LRP12: variants seen among roughly 807,000 people sequenced by gnomAD.
The protein encoded by LRP12 is low-density lipoprotein receptor-related protein 12.
In LRP12, 14 loss-of-function variants were observed where a neutral mutation model predicts 66.0. That is an observed-to-expected ratio of 0.21 (90% CI 0.14 to 0.33). The LOEUF (loss-of-function observed/expected upper bound fraction) is 0.33, where lower values mean the gene tolerates loss of function less well. Ranked by LOEUF, LRP12 falls within the 10% of genes least tolerant of loss-of-function variation. The pLI, the probability that LRP12 is intolerant of heterozygous loss-of-function variation, is 1.00. For synonymous variants in LRP12, 357 were observed against 359.1 expected (o/e 0.99, Z 0.07); for missense variants, 889 against 1,053.4 (o/e 0.84, Z 2.16).
At chr8:104,578,572 G>A (rs1812200774) in intron 1 of LRP12, among the ~76,000 whole-genome samples, 1 of 151,968 alleles carries the variant, frequency 6.6e-6, no homozygotes, top group African/African-American at 2.4e-5. Flanking sequence ...AAACCTGATG[G>A]CGGTTTTGGT....
At chr8:104,548,195 AAT>A (rs1438050474) in intron 1 of LRP12, among the ~76,000 whole-genome samples, 5 of 94,882 alleles carry the variant, frequency 5.3e-5, no homozygotes, top group Middle Eastern at 0.014. Context: ...TATATATATA[AAT>A]ATATGATATA....
chr8:104,585,096 CAG>C (rs1812309048), intron 1 of LRP12, among the ~76,000 whole-genome samples: 1 of 152,218 alleles, frequency 6.6e-6, no homozygotes, highest in South Asian at 2.1e-4. Flanking sequence ...ACAAGTCAAT[CAG>C]TATATGCTGT....
chr8:104,581,602 G>A (rs764375882), intron 1 of LRP12, among the ~76,000 whole-genome samples: 15 of 151,880 alleles, frequency 9.9e-5, no homozygotes, highest in Non-Finnish European at 1.8e-4. Context: ...ACAGGGAACT[G>A]CTGTTGGGTT....
In LRP12 at chr8:104,589,114, C is replaced by G. The variant is rs1447301249; in HGVS notation, c.-217G>C. 1 of 192,472 alleles carries G rather than the reference C, an allele frequency of 5.2e-6. No homozygotes were observed. Among genetic ancestry groups the G allele is most frequent in the Non-Finnish European group, 1.0e-5 (1 of 97,084 alleles). 11.9% of individuals were successfully genotyped at this position (192,472 alleles called of 1,614,324 possible). ...CCCTCCGGCTCGCCTGCTCCCACCC[C>G]GGGCGGTGCGAGAGCCCCACGCGGG... is the stretch of plus-strand genomic sequence containing the variant. On this transcript the variant is annotated 5_prime_UTR_variant, in exon 1 of 7. Transcript: ENST00000276654.
At chr8:104,500,171 A>G (rs571141293) in intron 3 of LRP12, among the ~76,000 whole-genome samples, 8 of 152,360 alleles carry the variant, frequency 5.3e-5, no homozygotes, top group African/African-American at 1.9e-4. Context: ...GCACACAGAA[A>G]ATTAGTCACT....
chr8:104,573,342 C>A (rs1480174787), intron 1 of LRP12, among the ~76,000 whole-genome samples: 2 of 152,194 alleles, frequency 1.3e-5, no homozygotes, highest in Non-Finnish European at 2.9e-5. Context: ...ATACAGGAGT[C>A]CTACCCCCTG....
rs371844091 is a variant in LRP12 at position 104,491,115 on chromosome 8, C to A, written c.2138G>T (p.Ser713Ile). The change falls in exon 7 of 7, where the codon AGT becomes ATT. Residue 713 changes from serine (S) to isoleucine (I), a missense_variant. Ser to Ile is a moderately radical substitution (Grantham distance 142, BLOSUM62 -2). This residue lies in a region of LRP12 where 800 missense variants were observed against 964.5 expected (regional missense o/e 0.83). Transcript: ENST00000276654. ...GHADNGRDVT[S>I]VEPPSVSPAR... Reference sequence around the variant, plus strand: ...TGGACTCACACTTGGGGGTTCCACACTTGTCACATCCCTTCCATTATCTGC... The same window carrying A: ...TGGACTCACACTTGGGGGTTCCACAATTGTCACATCCCTTCCATTATCTGC... The A allele has an allele frequency of 1.9e-6, 3 of 1,614,002 alleles. No individual in the cohort carries two copies. The highest frequency in any genetic ancestry group is 1.1e-5 in the South Asian group (1 of 91,090).
intron 3 of LRP12, chr8:104,507,145 T>TA (rs1810922247): frequency 6.6e-6 from 1 of 152,228 alleles, no homozygotes; most frequent in African/African-American, 2.4e-5. Context: ...TTTAAGATTA[T>TA]GCAATGATAA....
chr8:104,501,439 C>T (rs1018211950), intron 3 of LRP12, among the ~76,000 whole-genome samples: 33 of 151,774 alleles, frequency 2.2e-4, no homozygotes, highest in African/African-American at 7.5e-4. Context: ...GTGGCTCACA[C>T]CTGTAATCCT....
chr8:104,497,741 TA>T lies in LRP12; in HGVS notation c.810del (p.Phe270LeufsTer19). The T allele has an allele frequency of 6.2e-7, 1 of 1,613,754 alleles. No homozygotes were observed. The highest frequency in any genetic ancestry group is 1.1e-5 in the South Asian group (1 of 90,982). ...GQWLKYFYGT[F>X]NSPNYPDFYP... is the part of the protein sequence containing the mutation. ...TAAAAGTCTGGATAATTGGGAGAAT[TA>T]AAAGTACCATAAAAATATTTTAGCC... On this transcript the variant is annotated frameshift_variant, in exon 5 of 7. Coordinates refer to ENST00000276654, the MANE Select transcript of LRP12 (RefSeq NM_013437.5). LOFTEE classifies it high-confidence loss of function. The surrounding 1 kb of genome is among the most constrained non-coding windows in gnomAD (Gnocchi z 4.3).
intron 1 of LRP12, among the ~76,000 whole-genome samples, chr8:104,572,880 T>G (rs1795402734): frequency 6.6e-6 from 1 of 152,122 alleles, no homozygotes; most frequent in Non-Finnish European, 1.5e-5. Context: ...GCTAGCCCCC[T>G]ACTTAGATCA....
chr8:104,566,340 T>C (rs1012115701), intron 1 of LRP12: 1 of 241,898 alleles, frequency 4.1e-6, no homozygotes, highest in African/African-American at 2.3e-5. Flanking sequence ...AGGTTGAAGA[T>C]TAACTAAGTC....
rs1811896236 is a variant in LRP12 at position 104,560,865 on chromosome 8, A to C, written c.79+27954T>G. Among the ~76,000 whole-genome samples, 5 of 152,126 alleles carry C rather than the reference A, an allele frequency of 3.3e-5. No individual in the cohort carries two copies. The South Asian group carries it at 1.0e-3, about 32-fold the overall frequency. ...CTTAAGTCTCTCTTAGCCTAGAGTGATACTCCCTCATTTTCCATACCACTG... is the reference window on the plus strand; with the variant it reads ...CTTAAGTCTCTCTTAGCCTAGAGTGCTACTCCCTCATTTTCCATACCACTG... On this transcript the variant is annotated intron_variant, in intron 1 of 6. Coordinates refer to ENST00000276654, the MANE Select transcript of LRP12 (RefSeq NM_013437.5).
intron 1 of LRP12, among the ~76,000 whole-genome samples, chr8:104,555,331 C>T (rs567474099): frequency 6.8e-4 from 103 of 152,146 alleles, no homozygotes; most frequent in Admixed American, 2.2e-3. Context: ...ATACCAACAT[C>T]GAAGGTAAAT....
chr8:104,560,695 GCTA>G (rs1284779563), intron 1 of LRP12, among the ~76,000 whole-genome samples: 1 of 152,036 alleles, frequency 6.6e-6, no homozygotes, highest in East Asian at 1.9e-4. Context: ...TATCTATAAT[GCTA>G]CTACTTAAAA....
chr8:104,575,615 A>G (rs1812153542), intron 1 of LRP12, among the ~76,000 whole-genome samples: 1 of 152,258 alleles, frequency 6.6e-6, no homozygotes, highest in East Asian at 1.9e-4. Flanking sequence ...AAAGGGAAAA[A>G]AAAATCCAAA....
At chr8:104,525,546 C>T (rs1344053245) in intron 2 of LRP12, among the ~76,000 whole-genome samples, 1 of 152,046 alleles carries the variant, frequency 6.6e-6, no homozygotes, top group Admixed American at 6.6e-5. Flanking sequence ...CAAAATGAAG[C>T]CCTTAATACT....
At chr8:104,505,399 C>CTTT (rs57277820) in intron 3 of LRP12, 2,202 of 103,302 alleles carry the variant, frequency 0.021, 42 homozygotes, top group South Asian at 0.029. Flanking sequence ...TCCTTCTTTC[C>CTTT]TTTTTTTTTT....
At position 104,531,891 on chromosome 8, in the gene LRP12, AC is replaced by A. The variant is rs752368659; in HGVS notation, c.136+15del. 6.5e-7 allele frequency: 1 copy of A among 1,549,870 alleles called. No homozygotes were observed. The highest frequency in any genetic ancestry group is 1.9e-5 in the Admixed American group (1 of 53,302). On this transcript the variant is annotated intron_variant, in intron 2 of 6. Coordinates refer to ENST00000276654, the MANE Select transcript of LRP12 (RefSeq NM_013437.5). The stretch of plus-strand genomic sequence containing the variant: ...AAGTCATGCATGAAATTTAAACATT[AC>A]AAAAAATGACTTACCAGTTGACACT...
Sources: allele counts gnomAD v4.1 joint callset (sites outside exome capture counted in the v4.1 genomes callset), GRCh38; gene constraint gnomAD v4.1.1; regional missense constraint gnomAD v4.1.1; non-coding constraint Gnocchi (gnomAD v3.1); transcripts MANE v1.5; gene names NCBI Gene and HGNC (gene_info 2026-07-23, HGNC 2026-07-21).